ADAMTS3: variants seen among roughly 807,000 people sequenced by gnomAD.
ADAMTS3 encodes the protein ADAM metallopeptidase with thrombospondin type 1 motif 3.
ADAMTS3 carries 73 observed loss-of-function variants against 129.0 expected under a neutral mutation model. That is an observed-to-expected ratio of 0.57 (90% CI 0.47 to 0.69). ADAMTS3 has a LOEUF of 0.69. Ranked by LOEUF, ADAMTS3 falls within the 30% of genes least tolerant of loss-of-function variation. The pLI, the probability that ADAMTS3 is intolerant of heterozygous loss-of-function variation, is 0.00. For missense variants in ADAMTS3, 1,457 were observed against 1,514.5 expected, an observed-to-expected ratio of 0.96 and a Z score of 0.63; for synonymous variants, 477 against 510.8, an observed-to-expected ratio of 0.93 and a Z score of 0.89.
At chr4:72,530,757 T>G (rs1438339880) in intron 3 of ADAMTS3, among the ~76,000 whole-genome samples, 9 of 16,708 alleles carry the variant, frequency 5.4e-4, no homozygotes, top group South Asian at 3.8e-3. Flanking sequence ...ATATATTATA[T>G]ATTATATAGA....
chr4:72,418,042 T>C (rs1480750748), intron 3 of ADAMTS3, among the ~76,000 whole-genome samples: 1 of 151,622 alleles, frequency 6.6e-6, no homozygotes, highest in African/African-American at 2.4e-5. Flanking sequence ...TCCAGTTGAA[T>C]AAATAAAATA....
At chr4:72,396,194 G>A (rs1272945628) in intron 4 of ADAMTS3, among the ~76,000 whole-genome samples, 1 of 152,184 alleles carries the variant, frequency 6.6e-6, no homozygotes, top group Non-Finnish European at 1.5e-5. Context: ...CAAACTCAAT[G>A]TTAGCCAGTC....
chr4:72,408,701 G>GAAA (rs34586561), intron 4 of ADAMTS3, among the ~76,000 whole-genome samples: 2 of 146,026 alleles, frequency 1.4e-5, no homozygotes, highest in African/African-American at 5.1e-5. Flanking sequence ...ATTGTACCTG[G>GAAA]AAAAAAAAAA....
intron 4 of ADAMTS3, among the ~76,000 whole-genome samples, chr4:72,379,954 T>C (rs1721241254): frequency 6.6e-6 from 1 of 152,130 alleles, no homozygotes; most frequent in African/African-American, 2.4e-5. Flanking sequence ...CTAGTGAATG[T>C]CTCTTCTCAT....
At chr4:72,339,782 C>T (rs1214567876) in intron 4 of ADAMTS3, 89 bp from the exon 5 acceptor site, 6 of 1,010,442 alleles carry the variant, frequency 5.9e-6, no homozygotes, top group South Asian at 1.4e-5. Flanking sequence ...TCTCAGGGGC[C>T]TATCAGTATC....
intron 3 of ADAMTS3, among the ~76,000 whole-genome samples, chr4:72,497,380 C>T (rs1412930698): frequency 6.6e-6 from 1 of 151,884 alleles, no homozygotes; most frequent in Non-Finnish European, 1.5e-5. Context: ...TATGTCACTA[C>T]TTCTGTTCTA....
chr4:72,472,379 A>G (rs974165623), intron 3 of ADAMTS3, among the ~76,000 whole-genome samples: 1 of 152,286 alleles, frequency 6.6e-6, no homozygotes, highest in South Asian at 2.1e-4. Context: ...TCTTTTAACA[A>G]CATGCAAAGC....
intron 3 of ADAMTS3, among the ~76,000 whole-genome samples, chr4:72,522,598 AT>A (rs1720703177): frequency 1.3e-5 from 2 of 152,250 alleles, no homozygotes; most frequent in South Asian, 4.1e-4. Flanking sequence ...CAATTAGACC[AT>A]TTTTTATGAC....
chr4:72,292,839 G>A (rs1387665969), intron 19 of ADAMTS3, among the ~76,000 whole-genome samples: 1 of 152,090 alleles, frequency 6.6e-6, no homozygotes, highest in Non-Finnish European at 1.5e-5. Flanking sequence ...GACTGCTTTA[G>A]CTTGTCAAAC....
intron 3 of ADAMTS3, among the ~76,000 whole-genome samples, chr4:72,478,787 GA>G (rs1719324059): frequency 6.6e-6 from 1 of 152,048 alleles, no homozygotes; most frequent in Non-Finnish European, 1.5e-5. Flanking sequence ...TCTATATCTA[GA>G]AAACCCCATT....
chr4:72,529,726 TTA>T (rs1720915752), intron 3 of ADAMTS3, among the ~76,000 whole-genome samples: 2 of 97,438 alleles, frequency 2.1e-5, no homozygotes, highest in Non-Finnish European at 4.0e-5. Context: ...TATATATTAA[TTA>T]ATATATATTT....
intron 3 of ADAMTS3, among the ~76,000 whole-genome samples, chr4:72,518,287 A>G (rs1369244536): frequency 3.3e-5 from 5 of 152,140 alleles, no homozygotes; most frequent in Non-Finnish European, 7.4e-5. Context: ...TAGGTGTGGT[A>G]TGGTGCTGAA....
intron 3 of ADAMTS3, among the ~76,000 whole-genome samples, chr4:72,520,183 A>C (rs1423036660): frequency 6.6e-6 from 1 of 152,160 alleles, no homozygotes; most frequent in African/African-American, 2.4e-5. Flanking sequence ...GCTGCTGTCT[A>C]ATCGTTCCTC....
intron 4 of ADAMTS3, among the ~76,000 whole-genome samples, chr4:72,349,770 T>C (rs1489075135): frequency 6.6e-6 from 1 of 152,062 alleles, no homozygotes; most frequent in Non-Finnish European, 1.5e-5. Context: ...TGTATGCTAC[T>C]TGCAATAAAA....
intron 4 of ADAMTS3, among the ~76,000 whole-genome samples, chr4:72,406,018 C>G (rs1227397726): frequency 1.3e-5 from 2 of 152,068 alleles, no homozygotes; most frequent in Admixed American, 6.6e-5. Flanking sequence ...AGCTGTGACT[C>G]CCCACAATTC....
chr4:72,504,569 T>C (rs1720107800), intron 3 of ADAMTS3, among the ~76,000 whole-genome samples: 1 of 152,086 alleles, frequency 6.6e-6, no homozygotes, highest in African/African-American at 2.4e-5. Context: ...TGTATAGTAT[T>C]TCATAGGTGT....
rs189521038 is a variant in ADAMTS3, at chr4:72,419,220, T to A, written c.505-4249A>T. Among the ~76,000 whole-genome samples, 181 of 152,320 alleles carry A rather than the reference T, an allele frequency of 1.2e-3. 1 individual carries two copies. Among genetic ancestry groups the A allele is most frequent in the African/African-American group, 4.3e-3 (177 of 41,572 alleles). Reference sequence around the variant, plus strand: ...AATTTCAAGGGTGTATTCAGCTGAATGTGAAATTTATGGTTCTCTGTCTCC... The same window carrying A: ...AATTTCAAGGGTGTATTCAGCTGAAAGTGAAATTTATGGTTCTCTGTCTCC... On this transcript the variant is annotated intron_variant, in intron 3 of 21. Coordinates refer to ENST00000286657, the MANE Select transcript of ADAMTS3 (RefSeq NM_014243.3).
At chr4:72,411,167 A>G (rs1722175371) in intron 4 of ADAMTS3, among the ~76,000 whole-genome samples, 1 of 152,154 alleles carries the variant, frequency 6.6e-6, no homozygotes, top group Non-Finnish European at 1.5e-5. Context: ...AGAGTCAAGG[A>G]AGAAGAATCC....
At chr4:72,314,568 G>C (rs927375997) in intron 11 of ADAMTS3, among the ~76,000 whole-genome samples, 8 of 152,054 alleles carry the variant, frequency 5.3e-5, no homozygotes, top group African/African-American at 1.7e-4. Context: ...AAAAGCATTT[G>C]TTAAAACTCA....
Sources: gnomAD v4.1 joint callset for allele counts (sites outside exome capture counted in the v4.1 genomes callset) on GRCh38, gnomAD v4.1.1 for gene constraint, MANE v1.5 for transcripts, NCBI Gene and HGNC (gene_info 2026-07-23, HGNC 2026-07-21) for gene names.